The following XRCC4 variants were observed in gnomAD, a reference collection of about 807,000 sequenced individuals.
The protein encoded by XRCC4 is X-ray repair cross complementing 4.
XRCC4 carries 28 observed loss-of-function variants against 39.1 expected under a neutral mutation model. The ratio of observed to expected loss-of-function variants is 0.72; its 90% CI spans 0.53 to 0.98. XRCC4 has a LOEUF of 0.98. XRCC4 is among the 50% of genes least tolerant of loss of function. XRCC4 has a pLI of 0.00. For synonymous variants in XRCC4, 123 were observed against 126.4 expected, an observed-to-expected ratio of 0.97 and a Z score of 0.18; for missense variants, 350 against 376.4, an observed-to-expected ratio of 0.93 and a Z score of 0.58.
At chr5:83,355,650 T>C (rs573129541), downstream of XRCC4, among the ~76,000 whole-genome samples, 96 of 152,356 alleles carry the variant, frequency 6.3e-4, no homozygotes, top group Non-Finnish European at 1.1e-3. Context: ...TTTTGTTTTG[T>C]TTTGTTTGAG....
At chr5:83,245,753 A>G (rs1580418675) in intron 6 of XRCC4, among the ~76,000 whole-genome samples, 1 of 152,038 alleles carries the variant, frequency 6.6e-6, no homozygotes, top group Non-Finnish European at 1.5e-5. Flanking sequence ...TTGATCAGGG[A>G]AGATAATACA....
intron 7 of XRCC4, among the ~76,000 whole-genome samples, chr5:83,308,930 T>C (rs1283586911): frequency 6.6e-6 from 1 of 152,062 alleles, no homozygotes; most frequent in Non-Finnish European, 1.5e-5. Context: ...ATGAGAACCA[T>C]ATTTTTCATT....
At chr5:83,349,590 A>G (rs935173194) in intron 7 of XRCC4, among the ~76,000 whole-genome samples, 10 of 152,204 alleles carry the variant, frequency 6.6e-5, no homozygotes, top group Non-Finnish European at 1.3e-4. Context: ...AATGTAAATT[A>G]TAAGTGGAGC....
intron 7 of XRCC4, among the ~76,000 whole-genome samples, chr5:83,281,084 A>C (rs567330874): frequency 6.6e-6 from 1 of 152,364 alleles, no homozygotes; most frequent in East Asian, 1.9e-4. Context: ...GACATCTTGC[A>C]ATACTGGTAT....
chr5:83,111,020 T>C lies in XRCC4; in HGVS notation c.140-8T>C. The C allele has an allele frequency of 6.2e-7, 1 of 1,600,936 alleles. No individual in the cohort carries two copies. Among genetic ancestry groups the C allele is most frequent in the South Asian group, 1.1e-5 (1 of 87,662 alleles). On this transcript the variant is annotated splice_polypyrimidine_tract_variant and splice_region_variant and intron_variant, in intron 2 of 7. Transcript: ENST00000396027. The stretch of plus-strand genomic sequence containing the variant: ...TCATTTTAAAACTTTTGTTAATATT[T>C]CCCATAGTTTCTGAATCAGAGATTT...
chr5:83,215,371 A>G (rs1435346956), intron 6 of XRCC4, among the ~76,000 whole-genome samples: 3 of 152,100 alleles, frequency 2.0e-5, no homozygotes, highest in African/African-American at 7.2e-5. Context: ...TTGTTAAGAT[A>G]AATACTTTCA....
the XRCC4 span, among the ~76,000 whole-genome samples, chr5:83,363,678 C>T: frequency 6.6e-6 from 1 of 152,194 alleles, no homozygotes; most frequent in African/African-American, 2.4e-5. Flanking sequence ...CCAAGAGAGA[C>T]TCTTTCTAGT....
At chr5:83,096,785 A>G (rs76342936) in intron 1 of XRCC4, among the ~76,000 whole-genome samples, 2,220 of 152,336 alleles carry the variant, frequency 0.015, 61 homozygotes, top group African/African-American at 0.051. Flanking sequence ...AGTTTCTTGA[A>G]TAATCTGAAT....
At chr5:83,116,716 G>A (rs1263928813) in intron 3 of XRCC4, among the ~76,000 whole-genome samples, 3 of 145,480 alleles carry the variant, frequency 2.1e-5, no homozygotes, top group African/African-American at 5.0e-5. Flanking sequence ...CTGCCTCCCA[G>A]GTTCAAGTGA....
At chr5:83,322,223 T>G (rs1210816733) in intron 7 of XRCC4, among the ~76,000 whole-genome samples, 1 of 151,986 alleles carries the variant, frequency 6.6e-6, no homozygotes, top group African/African-American at 2.4e-5. Context: ...ATAAAACAAA[T>G]TTATTTACTA....
intron 6 of XRCC4, among the ~76,000 whole-genome samples, chr5:83,220,128 T>C (rs775520663): frequency 2.0e-5 from 3 of 152,112 alleles, no homozygotes; most frequent in Non-Finnish European, 4.4e-5. Flanking sequence ...GCAAAAGGTA[T>C]TGTACTTTAC....
At chr5:83,127,244 G>A (rs969998224) in intron 3 of XRCC4, among the ~76,000 whole-genome samples, 1 of 152,096 alleles carries the variant, frequency 6.6e-6, no homozygotes, top group African/African-American at 2.4e-5. Flanking sequence ...TTTGTGTGTG[G>A]AAAACTTAAC....
At chr5:83,355,542 C>T (rs1757180651), downstream of XRCC4, among the ~76,000 whole-genome samples, 1 of 152,202 alleles carries the variant, frequency 6.6e-6, no homozygotes, top group Non-Finnish European at 1.5e-5. Flanking sequence ...TGAAATTTAG[C>T]TGGATGACTT....
intron 6 of XRCC4, among the ~76,000 whole-genome samples, chr5:83,243,960 A>G (rs1753006790): frequency 6.6e-6 from 1 of 152,184 alleles, no homozygotes; most frequent in Non-Finnish European, 1.5e-5. Flanking sequence ...GTTTAAATTA[A>G]TAGAGAATGG....
At chr5:83,241,541 C>T (rs956862467) in intron 6 of XRCC4, among the ~76,000 whole-genome samples, 1 of 151,992 alleles carries the variant, frequency 6.6e-6, no homozygotes, top group Non-Finnish European at 1.5e-5. Flanking sequence ...GTCATATACT[C>T]TAGATAAGAA....
chr5:83,366,892 T>C, the XRCC4 span, among the ~76,000 whole-genome samples: 1 of 152,130 alleles, frequency 6.6e-6, no homozygotes, highest in Non-Finnish European at 1.5e-5. Context: ...CTACTACCTA[T>C]CACAGAAGTA....
intron 1 of XRCC4, among the ~76,000 whole-genome samples, chr5:83,100,509 T>C (rs1027827680): frequency 2.6e-5 from 4 of 152,074 alleles, no homozygotes; most frequent in Non-Finnish European, 5.9e-5. Flanking sequence ...AAAAAAGCAA[T>C]GAAACCAATT....
At chr5:83,303,770 G>A (rs765775453) in intron 7 of XRCC4, among the ~76,000 whole-genome samples, 4 of 152,068 alleles carry the variant, frequency 2.6e-5, no homozygotes, top group African/African-American at 4.8e-5. Context: ...AATAAACTGA[G>A]GAAGAAAGAT....
At chr5:83,188,022 T>G (rs913521086) in intron 3 of XRCC4, among the ~76,000 whole-genome samples, 6 of 152,132 alleles carry the variant, frequency 3.9e-5, no homozygotes, top group African/African-American at 1.4e-4. Flanking sequence ...TTGTTTAGAT[T>G]GGTAAAATTA....
Sources: allele counts gnomAD v4.1 joint callset (sites outside exome capture counted in the v4.1 genomes callset), GRCh38; gene constraint gnomAD v4.1.1; transcripts MANE v1.5; gene names NCBI Gene and HGNC (gene_info 2026-07-23, HGNC 2026-07-21).